The following SLIT3 variants were observed in gnomAD, a reference collection of about 807,000 sequenced individuals.
SLIT3 encodes the protein slit homolog 3 protein.
SLIT3 carries 68 observed loss-of-function variants against 184.0 expected under a neutral mutation model. That is an observed-to-expected ratio of 0.37 (90% CI 0.30 to 0.45). The LOEUF (loss-of-function observed/expected upper bound fraction) is 0.45. SLIT3 is among the 20% of genes least tolerant of loss of function. The probability of loss-of-function intolerance (pLI) is 1.00; values close to 1 mark genes in which losing one functional copy is unlikely to be tolerated. For synonymous variants in SLIT3, 831 were observed against 828.6 expected (o/e 1.00, Z -0.05); for missense variants, 1,707 against 2,026.0 (o/e 0.84, Z 3.02).
chr5:168,754,100 C>G, intron 16 of SLIT3, 93 bp from the exon 17 acceptor site: 2 of 1,394,246 alleles, frequency 1.4e-6, no homozygotes, highest in South Asian at 2.7e-5. Flanking sequence ...GCTGGGGACT[C>G]TCTGGGGCCC....
At chr5:169,119,576 G>A (rs945813332) in intron 4 of SLIT3, among the ~76,000 whole-genome samples, 6 of 152,184 alleles carry the variant, frequency 3.9e-5, no homozygotes, top group African/African-American at 1.2e-4. Context: ...TGACACTGAC[G>A]TTTTCTGTCT....
chr5:168,888,684 AC>A (rs1175892272), intron 4 of SLIT3, among the ~76,000 whole-genome samples: 1 of 152,162 alleles, frequency 6.6e-6, no homozygotes, highest in African/African-American at 2.4e-5. Flanking sequence ...CTGCACTGAG[AC>A]CAATGTGGTG....
chr5:168,892,396 T>C (rs1760499470), intron 4 of SLIT3, among the ~76,000 whole-genome samples: 1 of 152,184 alleles, frequency 6.6e-6, no homozygotes. Context: ...TGTTTTAGAA[T>C]AAGGAACTTG....
intron 4 of SLIT3, among the ~76,000 whole-genome samples, chr5:169,163,452 G>A (rs985330488): frequency 2.6e-5 from 4 of 152,174 alleles, no homozygotes; most frequent in Non-Finnish European, 5.9e-5. Flanking sequence ...AGATACATGA[G>A]TACCTTAATC....
intron 9 of SLIT3, among the ~76,000 whole-genome samples, chr5:168,802,378 T>A (rs555953142): frequency 1.3e-5 from 2 of 152,104 alleles, no homozygotes; most frequent in Non-Finnish European, 2.9e-5. Flanking sequence ...CTCTCTTACA[T>A]GTCACCTCTC....
chr5:169,293,579 T>G (rs59030725), intron 1 of SLIT3, among the ~76,000 whole-genome samples: 14,578 of 152,190 alleles, frequency 0.096, 2,299 homozygotes, highest in African/African-American at 0.33. Flanking sequence ...CTATGTGGAT[T>G]AATACAGCAT....
At chr5:168,972,473 C>T (rs952538590) in intron 4 of SLIT3, among the ~76,000 whole-genome samples, 1 of 151,716 alleles carries the variant, frequency 6.6e-6, no homozygotes, top group Non-Finnish European at 1.5e-5. Context: ...TTTAGGGCCA[C>T]CTTGGTGAGG....
chr5:169,139,755 T>C (rs1198756401), intron 4 of SLIT3, among the ~76,000 whole-genome samples: 1 of 152,186 alleles, frequency 6.6e-6, no homozygotes, highest in African/African-American at 2.4e-5. Flanking sequence ...GAGGCACTTC[T>C]GGGAAGAATG....
At chr5:169,149,293 T>C (rs1762035910) in intron 4 of SLIT3, among the ~76,000 whole-genome samples, 1 of 151,630 alleles carries the variant, frequency 6.6e-6, no homozygotes, top group Admixed American at 6.6e-5. Flanking sequence ...AATGGTCTTG[T>C]TAGAAAAAAA....
chr5:169,255,740 G>A (rs189221503), intron 1 of SLIT3, among the ~76,000 whole-genome samples: 22 of 152,140 alleles, frequency 1.4e-4, no homozygotes, highest in Non-Finnish European at 2.9e-4. Flanking sequence ...AAAATTAGCC[G>A]AGCGTGGTGG....
At chr5:168,888,709 A>T (rs960304722) in intron 4 of SLIT3, among the ~76,000 whole-genome samples, 1 of 152,212 alleles carries the variant, frequency 6.6e-6, no homozygotes, top group Admixed American at 6.5e-5. Context: ...TTTCAATAAC[A>T]TTAAAAAAAA....
chr5:169,189,696 A>C (rs297893), intron 4 of SLIT3, among the ~76,000 whole-genome samples: 84,568 of 150,894 alleles, frequency 0.56, 25,137 homozygotes, highest in African/African-American at 0.78. Context: ...CAGGTTTACC[A>C]AAATGTGAAC....
At chr5:168,759,751 T>G (rs894412878) in intron 16 of SLIT3, among the ~76,000 whole-genome samples, 4 of 152,124 alleles carry the variant, frequency 2.6e-5, no homozygotes, top group South Asian at 2.1e-4. Context: ...AGTCTTGACT[T>G]TGGACTTACA....
chr5:169,290,185 G>A (rs1480158511), intron 1 of SLIT3, among the ~76,000 whole-genome samples: 2 of 151,778 alleles, frequency 1.3e-5, no homozygotes, highest in East Asian at 3.9e-4. Context: ...GCATATGCTA[G>A]GGTGTGCACT....
intron 3 of SLIT3, among the ~76,000 whole-genome samples, chr5:169,197,773 T>C (rs988712703): frequency 2.6e-5 from 4 of 151,786 alleles, no homozygotes; most frequent in Non-Finnish European, 5.9e-5. Flanking sequence ...AGATCAAAAC[T>C]CCTCAGCTTT....
chr5:169,035,646 G>A (rs80272265), intron 4 of SLIT3, among the ~76,000 whole-genome samples: 4 of 101,554 alleles, frequency 3.9e-5, no homozygotes, highest in African/African-American at 1.9e-4. Flanking sequence ...GACTGCATCT[G>A]GAAAAAAAAA....
At chr5:169,115,072 C>G (rs11750638) in intron 4 of SLIT3, among the ~76,000 whole-genome samples, 41,196 of 152,002 alleles carry the variant, frequency 0.27, 5,746 homozygotes, top group East Asian at 0.4. Flanking sequence ...GCAGGGGTCT[C>G]ATGAGCTGCC....
chr5:168,876,275 A>G (rs564839573), intron 5 of SLIT3, among the ~76,000 whole-genome samples: 10 of 151,992 alleles, frequency 6.6e-5, no homozygotes, highest in Non-Finnish European at 1.2e-4. Flanking sequence ...CTCTGCCCAC[A>G]CAGCTTCAGT....
chr5:169,275,902 G>C (rs567694072), intron 1 of SLIT3, among the ~76,000 whole-genome samples: 1 of 152,254 alleles, frequency 6.6e-6, no homozygotes, highest in East Asian at 1.9e-4. Flanking sequence ...GGGTCAGGAT[G>C]GTGGACCCTG....
Sources: allele counts gnomAD v4.1 joint callset (sites outside exome capture counted in the v4.1 genomes callset), GRCh38; gene constraint gnomAD v4.1.1; transcripts MANE v1.5; gene names NCBI Gene and HGNC (gene_info 2026-07-23, HGNC 2026-07-21).